The following ATRNL1 variants were observed in gnomAD, a reference collection of about 807,000 sequenced individuals.
ATRNL1 encodes the protein attractin-like protein 1.
ATRNL1 carries 95 observed loss-of-function variants against 182.7 expected under a neutral mutation model. That is an observed-to-expected ratio of 0.52 (90% CI 0.44 to 0.62). The LOEUF is 0.62. Ranked by LOEUF, ATRNL1 falls within the 20% of genes least tolerant of loss-of-function variation. The pLI is 0.00. For synonymous variants in ATRNL1, 576 were observed against 568.3 expected, an observed-to-expected ratio of 1.01 and a Z score of -0.19; for missense variants, 1,471 against 1,679.5, an observed-to-expected ratio of 0.88 and a Z score of 2.17.
intron 5 of ATRNL1, among the ~76,000 whole-genome samples, chr10:115,149,594 A>G (rs1846124775): frequency 6.6e-6 from 1 of 152,160 alleles, no homozygotes; most frequent in African/African-American, 2.4e-5. Context: ...TCTTGAGATG[A>G]TAATATGGTT....
At chr10:115,755,903 T>C (rs1345060149) in intron 27 of ATRNL1, among the ~76,000 whole-genome samples, 1 of 152,040 alleles carries the variant, frequency 6.6e-6, no homozygotes, top group Admixed American at 6.6e-5. Flanking sequence ...CTTGGGAGGG[T>C]GTGTGTCCAG....
At chr10:115,886,571 T>C (rs537517243) in intron 28 of ATRNL1, among the ~76,000 whole-genome samples, 2 of 152,310 alleles carry the variant, frequency 1.3e-5, no homozygotes, top group Admixed American at 6.5e-5. Flanking sequence ...ATGTTGTTGT[T>C]TTGAATGTCA....
chr10:115,547,263 A>T (rs5005849), intron 25 of ATRNL1, among the ~76,000 whole-genome samples: 84,077 of 136,446 alleles, frequency 0.62, 25,278 homozygotes, highest in Admixed American at 0.69. Context: ...TCAAAAAAAA[A>T]ATATATATAT....
intron 26 of ATRNL1, among the ~76,000 whole-genome samples, chr10:115,719,996 A>T (rs533123640): frequency 2.0e-5 from 3 of 151,320 alleles, no homozygotes; most frequent in African/African-American, 7.3e-5. Context: ...AGTAGCTGGG[A>T]TTACAGGTGT....
At chr10:115,272,851 C>T (rs565049216) in intron 13 of ATRNL1, among the ~76,000 whole-genome samples, 4 of 152,264 alleles carry the variant, frequency 2.6e-5, no homozygotes, top group Non-Finnish European at 5.9e-5. Flanking sequence ...CCATTGCTGT[C>T]CTCCATGTGC....
chr10:115,643,259 A>AT (rs1555031087), intron 26 of ATRNL1, among the ~76,000 whole-genome samples: 1 of 152,190 alleles, frequency 6.6e-6, no homozygotes, highest in Admixed American at 6.5e-5. Flanking sequence ...TGCTGGAACA[A>AT]TTGGGTATAA....
At position 115,394,756 on chromosome 10, in the gene ATRNL1, A is replaced by G; in HGVS notation, c.3269+4A>G. 6.3e-7 allele frequency: 1 copy of G among 1,578,882 alleles called. No individual in the cohort carries two copies. Among genetic ancestry groups the G allele is most frequent in the Non-Finnish European group, 8.6e-7 (1 of 1,161,752 alleles). ...TAAAAGGTGACCAATGCCAATTGTAAGTAAGAATGACTTTTTAGAACTTTC... is the reference window on the plus strand; with the variant it reads ...TAAAAGGTGACCAATGCCAATTGTAGGTAAGAATGACTTTTTAGAACTTTC... On this transcript the variant is annotated splice_donor_region_variant and intron_variant, in intron 20 of 28. Coordinates refer to ENST00000355044, the MANE Select transcript of ATRNL1 (RefSeq NM_207303.4).
At chr10:115,558,220 G>A (rs552084697) in intron 26 of ATRNL1, among the ~76,000 whole-genome samples, 1 of 152,236 alleles carries the variant, frequency 6.6e-6, no homozygotes, top group East Asian at 1.9e-4. Context: ...AAGTAGCAGA[G>A]GAATGAAATG....
chr10:115,152,398 T>C (rs1380163193), intron 5 of ATRNL1, among the ~76,000 whole-genome samples: 1 of 152,200 alleles, frequency 6.6e-6, no homozygotes, highest in Non-Finnish European at 1.5e-5. Context: ...CATTGAGCAG[T>C]GGTTTGTAGT....
intron 26 of ATRNL1, among the ~76,000 whole-genome samples, chr10:115,640,856 T>A (rs547533150): frequency 6.6e-6 from 1 of 152,336 alleles, no homozygotes; most frequent in South Asian, 2.1e-4. Context: ...CATGCCTATG[T>A]CCTGAATGGT....
rs1554902911 is a variant in ATRNL1 at position 115,241,713 on chromosome 10, G to T, written c.1675G>T (p.Ala559Ser). 1 of 1,608,862 alleles carries T rather than the reference G, an allele frequency of 6.2e-7. No individual in the cohort carries two copies. Residue 559 changes from alanine (A) to serine (S), a missense_variant, in exon 10 of 29, where the codon GCA becomes TCA. Around this residue, in one of 3 missense-constraint regions of ATRNL1, gnomAD observed 1,031 missense variants for 1,156.0 expected, o/e 0.89. Coordinates refer to ENST00000355044, the MANE Select transcript of ATRNL1 (RefSeq NM_207303.4). Reference protein sequence around the residue: ...GAKCFSADFLAYDIACDEWKI... With the variant: ...GAKCFSADFLSYDIACDEWKI... Reference sequence around the variant, plus strand: ...AAAATGTTTTTCTGCCGATTTCCTGGCATATGACATAGGTATGTATCTGTT... The same window carrying T: ...AAAATGTTTTTCTGCCGATTTCCTGTCATATGACATAGGTATGTATCTGTT...
At chr10:115,445,581 G>T (rs189813766) in intron 21 of ATRNL1, among the ~76,000 whole-genome samples, 2 of 149,210 alleles carry the variant, frequency 1.3e-5, no homozygotes, top group African/African-American at 5.0e-5. Flanking sequence ...ATGCCTGGAT[G>T]TCTGTAATTT....
At chr10:115,519,093 T>C (rs1554984555) in intron 24 of ATRNL1, among the ~76,000 whole-genome samples, 170 bp from the exon 25 acceptor site, 1 of 152,088 alleles carries the variant, frequency 6.6e-6, no homozygotes, top group Non-Finnish European at 1.5e-5. Context: ...AGCAGTTGGA[T>C]ATATTAGGTA....
intron 26 of ATRNL1, among the ~76,000 whole-genome samples, chr10:115,689,264 AT>A (rs1254383754): frequency 6.6e-6 from 1 of 152,022 alleles, no homozygotes; most frequent in Non-Finnish European, 1.5e-5. Flanking sequence ...TTCTTCTACA[AT>A]TTTTTTGTGT....
chr10:115,351,742 G>GTGTTGTGTTTTGTTTTGTTTTGTTT (rs1856261410), intron 19 of ATRNL1, among the ~76,000 whole-genome samples: 1 of 149,742 alleles, frequency 6.7e-6, no homozygotes, highest in East Asian at 2.0e-4. Flanking sequence ...TTCTTTTCTT[G>GTGTTGTGTTTTGTTTTGTTTTGTTT]TGTTTTGTTT....
chr10:115,688,727 G>T (rs2133967060), intron 26 of ATRNL1, among the ~76,000 whole-genome samples: 1 of 152,182 alleles, frequency 6.6e-6, no homozygotes, highest in East Asian at 1.9e-4. Context: ...CTGTCAGTTA[G>T]TAATTTGCCA....
chr10:115,279,443 T>C (rs538644325), intron 13 of ATRNL1, among the ~76,000 whole-genome samples: 2 of 152,326 alleles, frequency 1.3e-5, no homozygotes, highest in South Asian at 4.1e-4. Context: ...ATTTCTATCA[T>C]GTCGGACATA....
chr10:115,248,208 G>A (rs1179461224), intron 10 of ATRNL1, among the ~76,000 whole-genome samples: 1 of 152,074 alleles, frequency 6.6e-6, no homozygotes, highest in Non-Finnish European at 1.5e-5. Context: ...ATAAATGTTC[G>A]AGATGATTGA....
chr10:115,846,402 G>T (rs1396805738), intron 27 of ATRNL1, among the ~76,000 whole-genome samples: 1 of 151,886 alleles, frequency 6.6e-6, no homozygotes, highest in Non-Finnish European at 1.5e-5. Context: ...AAACTTTCTA[G>T]AAACGACAGT....
Sources: gnomAD v4.1 joint callset for allele counts (sites outside exome capture counted in the v4.1 genomes callset) on GRCh38, gnomAD v4.1.1 for gene constraint, gnomAD v4.1.1 regional missense constraint, MANE v1.5 for transcripts, NCBI Gene and HGNC (gene_info 2026-07-23, HGNC 2026-07-21) for gene names.